The following DCC variants were observed in gnomAD, a reference collection of about 807,000 sequenced individuals.
DCC encodes the protein netrin receptor DCC.
A neutral mutation model predicts 172.5 loss-of-function variants in DCC; 58 were observed. The ratio of observed to expected loss-of-function variants is 0.34; its 90% CI spans 0.27 to 0.42. The LOEUF is 0.42. Among genes scored for constraint, DCC ranks in the 10% least tolerant of loss-of-function variants. DCC has a pLI of 1.00. For synonymous variants in DCC, 709 were observed against 644.5 expected, an observed-to-expected ratio of 1.10 and a Z score of -1.52; for missense variants, 1,740 against 1,791.0, an observed-to-expected ratio of 0.97 and a Z score of 0.51.
chr18:52,598,865 C>T (rs1158323800), intron 1 of DCC, among the ~76,000 whole-genome samples: 1 of 152,094 alleles, frequency 6.6e-6, no homozygotes, highest in Non-Finnish European at 1.5e-5. Flanking sequence ...TCCAAGATGG[C>T]GCCTCAATGC....
intron 1 of DCC, among the ~76,000 whole-genome samples, chr18:52,718,038 T>C (rs2036413931): frequency 6.6e-6 from 1 of 152,172 alleles, no homozygotes; most frequent in Non-Finnish European, 1.5e-5. Flanking sequence ...GCCATTGGGA[T>C]TATCAATGAC....
intron 9 of DCC, among the ~76,000 whole-genome samples, chr18:53,203,773 G>A (rs953467425): frequency 9.8e-5 from 15 of 152,294 alleles, no homozygotes; most frequent in African/African-American, 3.6e-4. Context: ...ATCCAAGCCT[G>A]GGGAAAATAC....
chr18:52,836,590 C>T (rs1423154515), intron 2 of DCC, among the ~76,000 whole-genome samples: 1 of 152,234 alleles, frequency 6.6e-6, no homozygotes. Flanking sequence ...CCAGAATGAT[C>T]TCCTTTGACT....
chr18:52,470,502 G>A (rs952749130), intron 1 of DCC, among the ~76,000 whole-genome samples: 2 of 152,122 alleles, frequency 1.3e-5, no homozygotes, highest in Non-Finnish European at 2.9e-5. Flanking sequence ...CACTTAGTCT[G>A]TATACTCTGG....
chr18:52,641,177 A>C (rs975789778), intron 1 of DCC, among the ~76,000 whole-genome samples: 3 of 152,204 alleles, frequency 2.0e-5, no homozygotes, highest in Non-Finnish European at 4.4e-5. Context: ...AGGAGAATAA[A>C]ACTGGATCCT....
chr18:53,421,787 A>C (rs888877162), intron 21 of DCC, among the ~76,000 whole-genome samples: 16 of 152,194 alleles, frequency 1.1e-4, no homozygotes, highest in Non-Finnish European at 2.1e-4. Flanking sequence ...AAGATTTAAG[A>C]TTCTGAAGTT....
intron 1 of DCC, among the ~76,000 whole-genome samples, chr18:52,509,702 G>A (rs1300625641): frequency 6.6e-6 from 1 of 152,202 alleles, no homozygotes; most frequent in Non-Finnish European, 1.5e-5. Context: ...CATTTACTGC[G>A]ATTTAGGATC....
At chr18:52,875,183 T>G (rs185142259) in intron 2 of DCC, among the ~76,000 whole-genome samples, 84 of 151,920 alleles carry the variant, frequency 5.5e-4, no homozygotes, top group Middle Eastern at 3.4e-3. Flanking sequence ...CTTTTCAGGA[T>G]GTCAAAACAA....
At chr18:52,516,636 T>TA (rs2031650059) in intron 1 of DCC, among the ~76,000 whole-genome samples, 2 of 152,238 alleles carry the variant, frequency 1.3e-5, no homozygotes, top group African/African-American at 4.8e-5. Flanking sequence ...TATATAGTAT[T>TA]AATGATAATG....
intron 9 of DCC, among the ~76,000 whole-genome samples, chr18:53,201,580 ATTAT>A (rs1226403949): frequency 3.3e-5 from 5 of 152,302 alleles, no homozygotes; most frequent in South Asian, 2.1e-4. Flanking sequence ...AAGCATACAA[ATTAT>A]TTATGTTTTT....
intron 7 of DCC, among the ~76,000 whole-genome samples, chr18:53,123,537 GT>G (rs1022256218): frequency 1.7e-4 from 26 of 152,118 alleles, no homozygotes; most frequent in Middle Eastern, 3.4e-3. Context: ...CCTTATTAGG[GT>G]CATTTAATGA....
intron 5 of DCC, among the ~76,000 whole-genome samples, chr18:53,018,585 C>G (rs911808891): frequency 1.3e-5 from 2 of 152,068 alleles, no homozygotes; most frequent in African/African-American, 4.8e-5. Context: ...CTTTCTCTAT[C>G]AAAGCATGCA....
chr18:52,943,110 T>C (rs1313135711), intron 5 of DCC, among the ~76,000 whole-genome samples: 2 of 152,178 alleles, frequency 1.3e-5, no homozygotes, highest in Non-Finnish European at 2.9e-5. Context: ...TCTTTTACTA[T>C]ATAGTTTTTG....
intron 5 of DCC, among the ~76,000 whole-genome samples, chr18:52,997,278 TAC>T (rs2041497160): frequency 6.6e-6 from 1 of 152,144 alleles, no homozygotes; most frequent in Non-Finnish European, 1.5e-5. Context: ...CTTCATATTC[TAC>T]TTAGAATTTT....
At chr18:53,052,073 C>T (rs978472050) in intron 5 of DCC, among the ~76,000 whole-genome samples, 8 of 151,770 alleles carry the variant, frequency 5.3e-5, no homozygotes, top group African/African-American at 1.7e-4. Context: ...CTGATGATAT[C>T]GAGTCTGATA....
At chr18:52,383,721 A>G (rs557353381) in intron 1 of DCC, among the ~76,000 whole-genome samples, 36 of 151,980 alleles carry the variant, frequency 2.4e-4, no homozygotes, top group Admixed American at 5.9e-4. Flanking sequence ...TGTGTTTCAT[A>G]TGATTATTGT....
intron 1 of DCC, among the ~76,000 whole-genome samples, chr18:52,400,100 T>C (rs72917001): frequency 0.093 from 14,196 of 152,022 alleles, 859 homozygotes; most frequent in Middle Eastern, 0.17. Context: ...ATCCCATCAA[T>C]AGCAATTCAT....
At chr18:53,146,249 C>A (rs2043911348) in intron 7 of DCC, among the ~76,000 whole-genome samples, 1 of 152,114 alleles carries the variant, frequency 6.6e-6, no homozygotes, top group Admixed American at 6.5e-5. Context: ...TAAAACACCA[C>A]AGACTGGGTG....
chr18:53,410,312 T>G (rs577774904), intron 19 of DCC, 140 bp from the exon 20 acceptor site: 2 of 653,662 alleles, frequency 3.1e-6, no homozygotes, highest in South Asian at 3.5e-5. Flanking sequence ...AAAAAAGACA[T>G]TACTTACAGA....
Sources: gnomAD v4.1 joint callset for allele counts (sites outside exome capture counted in the v4.1 genomes callset) on GRCh38, gnomAD v4.1.1 for gene constraint, MANE v1.5 for transcripts, NCBI Gene and HGNC (gene_info 2026-07-23, HGNC 2026-07-21) for gene names.